HTR1F: variants seen among roughly 807,000 people sequenced by gnomAD.
HTR1F encodes 5-hydroxytryptamine receptor 1F.
HTR1F carries 17 observed loss-of-function variants against 24.0 expected under a neutral mutation model. That is an observed-to-expected ratio of 0.71 (90% CI 0.48 to 1.06). The LOEUF (loss-of-function observed/expected upper bound fraction) is 1.06. Among genes scored for constraint, HTR1F ranks in the 50% least tolerant of loss-of-function variants. The pLI, the probability that HTR1F is intolerant of heterozygous loss-of-function variation, is 0.00. For synonymous variants in HTR1F, 186 were observed against 156.8 expected (o/e 1.19, Z -1.39); for missense variants, 391 against 427.8 (o/e 0.91, Z 0.76).
chr3:87,907,932 G>C (rs189204514), intron 2 of HTR1F, among the ~76,000 whole-genome samples: 1 of 151,936 alleles, frequency 6.6e-6, no homozygotes, highest in Non-Finnish European at 1.5e-5. Flanking sequence ...ATAAGTTTCT[G>C]TCTGGAAACA....
intron 2 of HTR1F, among the ~76,000 whole-genome samples, chr3:87,966,237 C>T (rs748183608): frequency 3.9e-5 from 6 of 152,162 alleles, no homozygotes; most frequent in Admixed American, 3.3e-4. Flanking sequence ...ATCCCATTCA[C>T]GAGGGCTTTG....
chr3:87,940,529 T>C (rs966508936), intron 2 of HTR1F, among the ~76,000 whole-genome samples: 5 of 152,214 alleles, frequency 3.3e-5, no homozygotes, highest in Non-Finnish European at 5.9e-5. Context: ...GAATATTCCA[T>C]GCTCATGGAT....
intron 2 of HTR1F, among the ~76,000 whole-genome samples, chr3:87,936,080 C>T (rs1704408152): frequency 6.6e-6 from 1 of 152,086 alleles, no homozygotes; most frequent in African/African-American, 2.4e-5. Context: ...AAACTCCTGA[C>T]CTCAAGTGAT....
intron 2 of HTR1F, among the ~76,000 whole-genome samples, chr3:87,905,500 G>A (rs1703643421): frequency 6.6e-6 from 1 of 152,010 alleles, no homozygotes; most frequent in African/African-American, 2.4e-5. Context: ...TTGGTTAGGA[G>A]CAACAGAAAC....
chr3:87,911,327 A>G lies in HTR1F; in HGVS notation c.-42-79381A>G, dbSNP rs144081632. Among the ~76,000 whole-genome samples the G allele has an allele frequency of 3.4e-3, 522 of 152,264 alleles. 2 individuals are homozygous for G. Among genetic ancestry groups the G allele is most frequent in the Non-Finnish European group, 6.2e-3 (419 of 67,990 alleles). ...GAAATACAAACAACCATCAGAGACT[A>G]TTATGAACACCTCTGTGCATACAAT... On this transcript the variant is annotated intron_variant, in intron 2 of 2. Coordinates refer to ENST00000319595, the MANE Select transcript of HTR1F (RefSeq NM_001322209.2).
chr3:87,909,433 C>T (rs1414521588), intron 2 of HTR1F, among the ~76,000 whole-genome samples: 1 of 151,968 alleles, frequency 6.6e-6, no homozygotes, highest in Non-Finnish European at 1.5e-5. Context: ...TACGTGCTCA[C>T]GATATGCTTC....
intron 2 of HTR1F, among the ~76,000 whole-genome samples, chr3:87,853,858 C>G (rs1215240765): frequency 6.6e-6 from 1 of 151,976 alleles, no homozygotes; most frequent in African/African-American, 2.4e-5. Flanking sequence ...CACACGTATG[C>G]TTCTTTTAAC....
At chr3:87,990,651 G>T (rs911075473) in intron 2 of HTR1F, 57 bp from the exon 3 acceptor site, 11 of 807,956 alleles carry the variant, frequency 1.4e-5, no homozygotes, top group Middle Eastern at 2.5e-4. Flanking sequence ...ATTCTGAAAG[G>T]AAGAGAAAAG....
chr3:87,991,571 T>G lies in HTR1F; in HGVS notation c.822T>G (p.His274Gln). The G allele has an allele frequency of 1.2e-6, 2 of 1,614,098 alleles. No individual in the cohort carries two copies. The highest frequency in any genetic ancestry group is 2.2e-5 in the South Asian group (2 of 91,082). The change falls in exon 3 of 3, where the codon CAT becomes CAG. Residue 274 changes from histidine to glutamine, a missense_variant. Coordinates refer to ENST00000319595, the MANE Select transcript of HTR1F (RefSeq NM_001322209.2). ...TVRSLRSEFKHEKSWRRQKIS... is the reference protein window; with the variant it reads ...TVRSLRSEFKQEKSWRRQKIS... ...GAAGTCTCAGGTCTGAATTCAAGCA[T>G]GAGAAATCTTGGAGAAGGCAAAAGA... is the stretch of plus-strand genomic sequence containing the variant.
At chr3:87,806,386 C>T (rs553515899) in intron 1 of HTR1F, among the ~76,000 whole-genome samples, 1 of 152,084 alleles carries the variant, frequency 6.6e-6, no homozygotes, top group East Asian at 1.9e-4. Context: ...CCTCTGTTTC[C>T]TTACCAGCAT....
chr3:87,879,064 C>A (rs977959965), intron 2 of HTR1F, among the ~76,000 whole-genome samples: 5 of 152,034 alleles, frequency 3.3e-5, no homozygotes, highest in Non-Finnish European at 7.4e-5. Flanking sequence ...TCATACAGAA[C>A]TTTTTGAAAC....
intron 2 of HTR1F, among the ~76,000 whole-genome samples, chr3:87,965,905 C>T (rs1228007808): frequency 1.3e-5 from 2 of 152,306 alleles, no homozygotes; most frequent in African/African-American, 4.8e-5. Context: ...TCCCTTAGTT[C>T]CCTTGCATCT....
At chr3:87,851,516 A>G (rs1030414724) in intron 2 of HTR1F, among the ~76,000 whole-genome samples, 2 of 151,684 alleles carry the variant, frequency 1.3e-5, no homozygotes, top group Non-Finnish European at 2.9e-5. Context: ...ATATATTTAT[A>G]TGCATCTGTT....
At chr3:87,952,777 G>T (rs1704862497) in intron 2 of HTR1F, among the ~76,000 whole-genome samples, 1 of 151,674 alleles carries the variant, frequency 6.6e-6, no homozygotes, top group Non-Finnish European at 1.5e-5. Context: ...AAAAGCAATG[G>T]TCACCCACCA....
intron 2 of HTR1F, among the ~76,000 whole-genome samples, chr3:87,846,317 C>T (rs1704941443): frequency 6.6e-6 from 1 of 151,654 alleles, no homozygotes; most frequent in South Asian, 2.1e-4. Flanking sequence ...ACCTGTAATC[C>T]CAGCTACTTC....
intron 2 of HTR1F, among the ~76,000 whole-genome samples, chr3:87,931,897 T>G (rs997190204): frequency 4.0e-5 from 6 of 151,668 alleles, no homozygotes; most frequent in Non-Finnish European, 5.9e-5. Context: ...ATGGGGTTGT[T>G]TTTTTCTTGT....
intron 2 of HTR1F, among the ~76,000 whole-genome samples, chr3:87,949,508 G>GCAAACAGCT (rs1224717288): frequency 1.3e-5 from 2 of 152,180 alleles, no homozygotes; most frequent in East Asian, 3.8e-4. Flanking sequence ...CATTGAGAAA[G>GCAAACAGCT]CAAACAGCTT....
intron 2 of HTR1F, among the ~76,000 whole-genome samples, chr3:87,862,632 A>G (rs1050769793): frequency 4.6e-5 from 7 of 152,068 alleles, no homozygotes; most frequent in African/African-American, 1.7e-4. Context: ...TTTTCCATGG[A>G]TCTTTTCTAG....
At chr3:87,851,921 G>A (rs1705094967) in intron 2 of HTR1F, among the ~76,000 whole-genome samples, 1 of 144,354 alleles carries the variant, frequency 6.9e-6, no homozygotes, top group Non-Finnish European at 1.5e-5. Context: ...GAAAATAACA[G>A]TTTAATTTAC....
Sources: allele counts gnomAD v4.1 joint callset (sites outside exome capture counted in the v4.1 genomes callset), GRCh38; gene constraint gnomAD v4.1.1; transcripts MANE v1.5; gene names NCBI Gene and HGNC (gene_info 2026-07-23, HGNC 2026-07-21).